The following CTNNA3 variants were observed in gnomAD, a reference collection of about 807,000 sequenced individuals.
CTNNA3 encodes the protein catenin alpha 3, also known as catenin alpha-3.
In CTNNA3, 76 loss-of-function variants were observed where a neutral mutation model predicts 95.7. That is an observed-to-expected ratio of 0.79 (90% CI 0.66 to 0.96). The LOEUF is 0.96. Among genes scored for constraint, CTNNA3 ranks in the 40% least tolerant of loss-of-function variants. The pLI is 0.00. For synonymous variants in CTNNA3, 431 were observed against 374.4 expected (o/e 1.15, Z -1.74); for missense variants, 1,191 against 1,089.8 (o/e 1.09, Z -1.31).
chr10:67,742,558 T>C (rs1453165896), intron 1 of CTNNA3, among the ~76,000 whole-genome samples: 3 of 150,894 alleles, frequency 2.0e-5, no homozygotes, highest in Non-Finnish European at 4.4e-5. Flanking sequence ...AGGAAAGATC[T>C]AAAATTGACA....
chr10:66,369,359 C>T (rs1030928734), intron 12 of CTNNA3, among the ~76,000 whole-genome samples: 1 of 152,164 alleles, frequency 6.6e-6, no homozygotes, highest in African/African-American at 2.4e-5. Context: ...CCTCCCTGAG[C>T]TGGTTAACTG....
intron 9 of CTNNA3, among the ~76,000 whole-genome samples, chr10:66,687,990 T>G (rs1847365700): frequency 6.6e-6 from 1 of 152,122 alleles, no homozygotes. Context: ...GAAGAGAGAT[T>G]GTGTCAAACA....
chr10:66,665,881 T>C (rs1846435299), intron 9 of CTNNA3, among the ~76,000 whole-genome samples: 1 of 152,176 alleles, frequency 6.6e-6, no homozygotes, highest in Non-Finnish European at 1.5e-5. Flanking sequence ...TTTTGTCACA[T>C]ATTACAACTC....
chr10:67,050,316 T>C (rs1203392468), intron 7 of CTNNA3, among the ~76,000 whole-genome samples: 1 of 152,244 alleles, frequency 6.6e-6, no homozygotes, highest in Non-Finnish European at 1.5e-5. Context: ...TCTCCCTTTC[T>C]TGAGCGTTCG....
At chr10:66,078,629 C>T (rs921671412) in intron 14 of CTNNA3, among the ~76,000 whole-genome samples, 18 of 151,816 alleles carry the variant, frequency 1.2e-4, no homozygotes, top group African/African-American at 4.1e-4. Context: ...TAAACTATAA[C>T]TAAGCCATAT....
At chr10:66,324,911 A>G (rs896642673) in intron 12 of CTNNA3, among the ~76,000 whole-genome samples, 1 of 123,580 alleles carries the variant, frequency 8.1e-6, no homozygotes, top group Non-Finnish European at 1.8e-5. Context: ...TAATTTTACA[A>G]CAAAACATTG....
intron 15 of CTNNA3, among the ~76,000 whole-genome samples, chr10:66,012,381 C>G (rs2079021420): frequency 6.6e-6 from 1 of 152,074 alleles, no homozygotes; most frequent in Non-Finnish European, 1.5e-5. Flanking sequence ...TATGTACTAA[C>G]AGTAAGTGAA....
At chr10:67,201,341 C>T (rs1863635782) in intron 6 of CTNNA3, among the ~76,000 whole-genome samples, 1 of 152,156 alleles carries the variant, frequency 6.6e-6, no homozygotes, top group Admixed American at 6.5e-5. Context: ...CTGTACAGTA[C>T]ATGTTTGCAC....
At chr10:67,501,330 C>T (rs1839225718) in intron 5 of CTNNA3, among the ~76,000 whole-genome samples, 1 of 152,190 alleles carries the variant, frequency 6.6e-6, no homozygotes, top group Non-Finnish European at 1.5e-5. Flanking sequence ...GCAGAGAGAT[C>T]CACTGTTAGT....
At chr10:66,231,181 T>C (rs1012705993) in intron 13 of CTNNA3, among the ~76,000 whole-genome samples, 1 of 152,152 alleles carries the variant, frequency 6.6e-6, no homozygotes, top group Non-Finnish European at 1.5e-5. Context: ...AGTAGGAGTG[T>C]GAGTATTCAT....
intron 17 of CTNNA3, among the ~76,000 whole-genome samples, chr10:65,931,850 C>G (rs2077258613): frequency 6.6e-6 from 1 of 152,170 alleles, no homozygotes; most frequent in African/African-American, 2.4e-5. Context: ...GTTGGCTTCC[C>G]AGCTGCTTAG....
chr10:66,379,145 G>T lies in CTNNA3; in HGVS notation c.1732+7C>A. ...AATTGTGCAGCTGTTATTGGCAACT[G>T]ACTTACCAGTACTTGTAAGGAAGTT... On this transcript the variant is annotated splice_region_variant and intron_variant, in intron 12 of 17. Coordinates refer to ENST00000433211, the MANE Select transcript of CTNNA3 (RefSeq NM_013266.4). 6.2e-7 allele frequency: 1 copy of T among 1,604,788 alleles called. No individual in the cohort carries two copies. The highest frequency in any genetic ancestry group is 8.5e-7 in the Non-Finnish European group (1 of 1,171,602).
At chr10:66,214,337 A>G (rs957728512) in intron 13 of CTNNA3, among the ~76,000 whole-genome samples, 10 of 152,260 alleles carry the variant, frequency 6.6e-5, no homozygotes, top group Non-Finnish European at 1.5e-4. Flanking sequence ...AGCATATAAA[A>G]TGGAGAAACA....
intron 1 of CTNNA3, among the ~76,000 whole-genome samples, chr10:67,705,569 A>G (rs533737218): frequency 2.1e-5 from 3 of 143,016 alleles, no homozygotes; most frequent in African/African-American, 7.8e-5. Context: ...ATAGGTGGGA[A>G]TTGAACAATG....
At chr10:66,623,255 A>G (rs1844814246) in intron 9 of CTNNA3, among the ~76,000 whole-genome samples, 1 of 152,164 alleles carries the variant, frequency 6.6e-6, no homozygotes, top group Non-Finnish European at 1.5e-5. Flanking sequence ...GTTTGTTTAA[A>G]GTAAAAAAAT....
intron 7 of CTNNA3, among the ~76,000 whole-genome samples, chr10:66,912,343 T>A (rs1047691519): frequency 4.6e-5 from 7 of 152,050 alleles, no homozygotes; most frequent in Non-Finnish European, 8.8e-5. Flanking sequence ...TGATAATAAT[T>A]AAAAACAAAA....
chr10:67,380,608 CT>C (rs1843905328), intron 5 of CTNNA3, among the ~76,000 whole-genome samples: 1 of 152,160 alleles, frequency 6.6e-6, no homozygotes, highest in Non-Finnish European at 1.5e-5. Flanking sequence ...ATATACTCAA[CT>C]GTCTAAATGA....
At chr10:66,962,372 C>A (rs951244519) in intron 7 of CTNNA3, among the ~76,000 whole-genome samples, 1 of 151,846 alleles carries the variant, frequency 6.6e-6, no homozygotes, top group Non-Finnish European at 1.5e-5. Context: ...TCTGCCTCCT[C>A]AACTCCTCTA....
intron 13 of CTNNA3, among the ~76,000 whole-genome samples, chr10:66,217,801 T>A (rs917402896): frequency 6.6e-6 from 1 of 152,212 alleles, no homozygotes; most frequent in African/African-American, 2.4e-5. Context: ...ACAGTATCCA[T>A]GATGGCTGTG....
Sources: gnomAD v4.1 joint callset for allele counts (sites outside exome capture counted in the v4.1 genomes callset) on GRCh38, gnomAD v4.1.1 for gene constraint, MANE v1.5 for transcripts, NCBI Gene and HGNC (gene_info 2026-07-23, HGNC 2026-07-21) for gene names.